Variants in ZNF503 observed in about 807,000 individuals in gnomAD.
ZNF503 encodes the protein NocA-like zinc finger 2.
Under a neutral mutation model 34.4 loss-of-function variants are expected in ZNF503, and 15 were observed. That is an observed-to-expected ratio of 0.44 (90% confidence interval 0.29 to 0.67). The LOEUF is 0.67. ZNF503 is among the 30% of genes least tolerant of loss of function. The probability of loss-of-function intolerance (pLI) is 0.13; values close to 1 mark genes in which losing one functional copy is unlikely to be tolerated. For missense variants in ZNF503, 1,007 were observed against 926.8 expected (o/e 1.09, Z -1.12); for synonymous variants, 580 against 456.8 (o/e 1.27, Z -3.44).
At chr10:75,366,826 C>G in the ZNF503 span, among the ~76,000 whole-genome samples, 1 of 152,234 alleles carries the variant, frequency 6.6e-6, no homozygotes, top group South Asian at 2.1e-4. Flanking sequence ...CTTCGTCCCG[C>G]GGGTGAGATA....
In ZNF503 at chr10:75,399,394, G is replaced by A. The variant is rs116043802; in HGVS notation, c.1296C>T (p.Cys432=). 2 of 1,605,976 alleles carry A rather than the reference G, an allele frequency of 1.2e-6. No individual in the cohort carries two copies. The highest frequency in any genetic ancestry group is 1.3e-5 in the African/African-American group (1 of 74,956). ...GGTGGCTAGCGCAGTGGTAGCTGAG[G>A]CAGTAAGGGTCCCGGCACAAACTGG... ...MTASLCRDPY[C]LSYHCASHLA... is the part of the protein sequence containing the mutation. Residue 432 remains cysteine, a synonymous_variant, in exon 2 of 2, where the codon TGC becomes TGT. Coordinates refer to ENST00000372524, the MANE Select transcript of ZNF503 (RefSeq NM_032772.6).
At chr10:75,292,975 C>T in the ZNF503 span, among the ~76,000 whole-genome samples, 3 of 152,064 alleles carry the variant, frequency 2.0e-5, no homozygotes, top group African/African-American at 7.3e-5. Context: ...TCGAGAGCTC[C>T]ACACCACCTG....
At chr10:75,351,964 T>C in the ZNF503 span, among the ~76,000 whole-genome samples, 124 of 152,336 alleles carry the variant, frequency 8.1e-4, no homozygotes, top group South Asian at 0.024. Context: ...GAACAGGTCA[T>C]GTGCATGCCC....
chr10:75,401,178 G>A lies in ZNF503; in HGVS notation c.242C>T (p.Thr81Met), dbSNP rs1225267235. 1 of 1,610,804 alleles carries A rather than the reference G, an allele frequency of 6.2e-7. No homozygotes were observed. The highest frequency in any genetic ancestry group is 2.2e-5 in the East Asian group (1 of 44,836). ...RLPIKVLKML[T>M]ARTGHILHPE... The stretch of plus-strand genomic sequence containing the variant: ...GTGCAAAATGTGGCCAGTTCGTGCC[G>A]TCAGCATCTTCAGCACCTTGATTGG... The change falls in exon 1 of 2, where the codon ACG becomes ATG. Residue 81 changes from threonine (T) to methionine (M), a missense_variant. Coordinates refer to ENST00000372524, the MANE Select transcript of ZNF503 (RefSeq NM_032772.6).
At chr10:75,395,584 G>C (rs776489538), downstream of ZNF503, among the ~76,000 whole-genome samples, 6 of 152,122 alleles carry the variant, frequency 3.9e-5, no homozygotes, top group African/African-American at 1.4e-4. This position sits in a 1 kb window ranked among gnomAD's most constrained non-coding sequence, Gnocchi z 4.4. Context: ...GAGAGAGTCG[G>C]GGGGCGCGCC....
chr10:75,384,095 G>C, the ZNF503 span, among the ~76,000 whole-genome samples: 3 of 152,176 alleles, frequency 2.0e-5, no homozygotes, highest in African/African-American at 7.2e-5. Flanking sequence ...GGCCTGTGGG[G>C]CTTGCTCCCA....
the ZNF503 span, among the ~76,000 whole-genome samples, chr10:75,282,294 A>T: frequency 6.6e-6 from 1 of 152,204 alleles, no homozygotes; most frequent in Non-Finnish European, 1.5e-5. Context: ...CCTCTTCCCA[A>T]ATAAAAAGAC....
At chr10:75,365,295 G>A in the ZNF503 span, among the ~76,000 whole-genome samples, 1 of 152,242 alleles carries the variant, frequency 6.6e-6, no homozygotes, top group African/African-American at 2.4e-5. Context: ...TTACAGGTGT[G>A]TGCCACCACA....
At chr10:75,328,159 T>C in the ZNF503 span, among the ~76,000 whole-genome samples, 4 of 152,204 alleles carry the variant, frequency 2.6e-5, no homozygotes, top group Non-Finnish European at 5.9e-5. Context: ...GTCTTCTCCA[T>C]AAAAACTTTG....
chr10:75,355,718 G>C, the ZNF503 span, among the ~76,000 whole-genome samples: 2 of 152,224 alleles, frequency 1.3e-5, no homozygotes, highest in African/African-American at 4.8e-5. Context: ...GTATTGCTGG[G>C]TTAGAAATTA....
At chr10:75,291,740 TG>T in the ZNF503 span, among the ~76,000 whole-genome samples, 1 of 152,216 alleles carries the variant, frequency 6.6e-6, no homozygotes, top group Non-Finnish European at 1.5e-5. Flanking sequence ...CCAGGAATCT[TG>T]TCATCACACC....
At chr10:75,368,793 A>ATTCG in the ZNF503 span, among the ~76,000 whole-genome samples, 1 of 152,246 alleles carries the variant, frequency 6.6e-6, no homozygotes, top group African/African-American at 2.4e-5. Flanking sequence ...GGATGGTTTC[A>ATTCG]TTCAGGGGTG....
chr10:75,365,063 GC>G, the ZNF503 span, among the ~76,000 whole-genome samples: 2 of 152,324 alleles, frequency 1.3e-5, no homozygotes, highest in South Asian at 4.1e-4. Flanking sequence ...CAGACCATGG[GC>G]CCAGAACCTG....
the ZNF503 span, among the ~76,000 whole-genome samples, chr10:75,290,796 G>A: frequency 1.3e-5 from 2 of 152,316 alleles, no homozygotes; most frequent in Non-Finnish European, 2.9e-5. Flanking sequence ...CTGAAAAAGA[G>A]CCCTGAAAGC....
chr10:75,397,071 G>A (rs951777596), downstream of ZNF503, among the ~76,000 whole-genome samples: 1 of 152,200 alleles, frequency 6.6e-6, no homozygotes, highest in African/African-American at 2.4e-5. Context: ...ACTTGGAGGG[G>A]CTTTCCGGGT....
the ZNF503 span, among the ~76,000 whole-genome samples, chr10:75,313,699 C>T: frequency 6.6e-6 from 1 of 152,208 alleles, no homozygotes; most frequent in African/African-American, 2.4e-5. Flanking sequence ...TTCCCCCAAC[C>T]TGGATTCCTG....
chr10:75,378,885 G>A, the ZNF503 span, among the ~76,000 whole-genome samples: 2 of 152,064 alleles, frequency 1.3e-5, no homozygotes, highest in Admixed American at 6.6e-5. Flanking sequence ...CACCTCTAGG[G>A]AAAACAGGAA....
the ZNF503 span, among the ~76,000 whole-genome samples, chr10:75,309,399 C>G: frequency 2.0e-5 from 3 of 152,152 alleles, no homozygotes; most frequent in East Asian, 3.9e-4. Flanking sequence ...ATTGATGCAG[C>G]AAACTTCATT....
the ZNF503 span, among the ~76,000 whole-genome samples, chr10:75,348,398 G>A: frequency 0.44 from 66,979 of 151,156 alleles, 16,015 homozygotes; most frequent in African/African-American, 0.63. Context: ...AGGTTTCACC[G>A]TGTTGACCAG....
Sources: allele counts gnomAD v4.1 joint callset (sites outside exome capture counted in the v4.1 genomes callset), GRCh38; gene constraint gnomAD v4.1.1; non-coding constraint Gnocchi (gnomAD v3.1); transcripts MANE v1.5; gene names NCBI Gene and HGNC (gene_info 2026-07-23, HGNC 2026-07-21).